Variants in RASAL2 observed in about 807,000 individuals in gnomAD.
The protein encoded by RASAL2 is RAS protein activator like 2, also known as ras GTPase-activating protein nGAP.
A neutral mutation model predicts 128.9 loss-of-function variants in RASAL2; 58 were observed. That is an observed-to-expected ratio of 0.45 (90% confidence interval 0.36 to 0.56). The LOEUF (loss-of-function observed/expected upper bound fraction) is 0.56, where lower values mean the gene tolerates loss of function less well. RASAL2 is among the 20% of genes least tolerant of loss of function. The pLI, the probability that RASAL2 is intolerant of heterozygous loss-of-function variation, is 0.00. For missense variants in RASAL2, 1,360 were observed against 1,601.6 expected, an observed-to-expected ratio of 0.85 and a Z score of 2.57; for synonymous variants, 561 against 580.8, an observed-to-expected ratio of 0.97 and a Z score of 0.49.
intron 1 of RASAL2, among the ~76,000 whole-genome samples, chr1:178,095,935 A>G (rs932568427): frequency 7.2e-5 from 11 of 152,154 alleles, no homozygotes; most frequent in African/African-American, 2.4e-4. Context: ...AAAATCCAGG[A>G]ATTCTTCTTA....
intron 1 of RASAL2, among the ~76,000 whole-genome samples, chr1:178,252,587 A>G (rs1423968228): frequency 5.3e-5 from 8 of 152,188 alleles, no homozygotes; most frequent in Admixed American, 5.2e-4. Flanking sequence ...CTAAAATGCT[A>G]CTAAAGAAAG....
At chr1:178,446,551 T>C (rs1319027788) in intron 9 of RASAL2, among the ~76,000 whole-genome samples, 3 of 152,222 alleles carry the variant, frequency 2.0e-5, no homozygotes, top group Admixed American at 6.5e-5. Flanking sequence ...TACTTTTTTA[T>C]TCTTTTTGAA....
At chr1:178,215,240 A>G (rs190482886) in intron 1 of RASAL2, among the ~76,000 whole-genome samples, 3 of 152,326 alleles carry the variant, frequency 2.0e-5, no homozygotes, top group East Asian at 3.9e-4. Flanking sequence ...TAGCTAAGCT[A>G]TATTTCTTAG....
At chr1:178,103,497 C>T (rs535040709) in intron 1 of RASAL2, among the ~76,000 whole-genome samples, 72 of 152,226 alleles carry the variant, frequency 4.7e-4, no homozygotes, top group African/African-American at 1.7e-3. Flanking sequence ...ATGAGAGTGC[C>T]TGTCTCCCCA....
At chr1:178,327,077 C>CTTAG (rs1669074433) in intron 3 of RASAL2, among the ~76,000 whole-genome samples, 1 of 152,162 alleles carries the variant, frequency 6.6e-6, no homozygotes, top group Non-Finnish European at 1.5e-5. Flanking sequence ...CTCATTCTAA[C>CTTAG]TTAGCATTTC....
At chr1:178,282,465 C>A (rs1185727016) in intron 1 of RASAL2, among the ~76,000 whole-genome samples, 1 of 152,066 alleles carries the variant, frequency 6.6e-6, no homozygotes, top group East Asian at 1.9e-4. Flanking sequence ...TGTAAGACAC[C>A]TAGGAAATTA....
intron 1 of RASAL2, among the ~76,000 whole-genome samples, chr1:178,147,365 C>G (rs1355131916): frequency 6.6e-6 from 1 of 151,570 alleles, no homozygotes; most frequent in Non-Finnish European, 1.5e-5. Context: ...TAGTGTGTGC[C>G]TGTAGTCCCA....
rs895733654 is a variant in RASAL2 at position 178,164,809 on chromosome 1, T to C, written c.202+70115T>C. Among the ~76,000 whole-genome samples the C allele has an allele frequency of 4.2e-5, 6 of 143,830 alleles. No homozygotes were observed. The East Asian group carries it at 6.4e-4, about 15-fold the overall frequency. The allele number at this position is 143,830 out of a possible 152,430, so 94.4% of individuals were successfully genotyped here. A position where few individuals can be genotyped will look rare whatever the true frequency, so the allele number is the denominator to read the frequency against. On this transcript the variant is annotated intron_variant, in intron 1 of 17. Coordinates refer to ENST00000367649, the MANE Select transcript of RASAL2 (RefSeq NM_170692.4). ...TTTAAGTTTTTTAGAACATACGCTT[T>C]GTTCATCAAACGTTTGTGTGTGTGT...
intron 1 of RASAL2, among the ~76,000 whole-genome samples, chr1:178,180,564 G>A (rs1375646331): frequency 6.6e-6 from 1 of 150,394 alleles, no homozygotes; most frequent in Non-Finnish European, 1.5e-5. Flanking sequence ...CTTCTCAGGA[G>A]GCTGACGTGA....
chr1:178,141,421 AC>A (rs1017411983), intron 1 of RASAL2, among the ~76,000 whole-genome samples: 11 of 151,646 alleles, frequency 7.3e-5, no homozygotes, highest in African/African-American at 2.7e-4. Context: ...TCTCTTTACT[AC>A]CTGATTGGCC....
chr1:178,409,971 A>G (rs1476036663), intron 4 of RASAL2, among the ~76,000 whole-genome samples: 1 of 152,206 alleles, frequency 6.6e-6, no homozygotes, highest in Non-Finnish European at 1.5e-5. Context: ...TCGTCATGGC[A>G]CCAGGAAGAT....
intron 3 of RASAL2, among the ~76,000 whole-genome samples, chr1:178,385,109 T>A (rs1404438734): frequency 6.6e-6 from 1 of 152,216 alleles, no homozygotes; most frequent in Non-Finnish European, 1.5e-5. Context: ...TTTCCAAACA[T>A]AATAACATTC....
intron 3 of RASAL2, among the ~76,000 whole-genome samples, chr1:178,326,329 A>C (rs944211307): frequency 6.6e-6 from 1 of 152,022 alleles, no homozygotes; most frequent in African/African-American, 2.4e-5. Context: ...GCAGAAATCT[A>C]CCTCCCTCAT....
In RASAL2 at chr1:178,360,740, G is replaced by A. The variant is rs138372784; in HGVS notation, c.458-29360G>A. The stretch of plus-strand genomic sequence containing the variant: ...GTTCTGGAAGTTAGAAGGTGTCAAC[G>A]GGGTTGTTTCCTTCTGAGGGCTGTG... On this transcript the variant is annotated intron_variant, in intron 3 of 17. Coordinates refer to ENST00000367649, the MANE Select transcript of RASAL2 (RefSeq NM_170692.4). 4.1e-4 allele frequency among the ~76,000 whole-genome samples: 63 copies of A among 152,258 alleles called. No homozygotes were observed. In the East Asian group the frequency reaches 7.3e-3, roughly 18 times the overall value.
chr1:178,424,926 C>T (rs1201526928), intron 5 of RASAL2, among the ~76,000 whole-genome samples: 3 of 152,104 alleles, frequency 2.0e-5, no homozygotes, highest in Non-Finnish European at 4.4e-5. Context: ...TATTGATATA[C>T]AGTAACACAC....
At chr1:178,116,290 C>G (rs1659517476) in intron 1 of RASAL2, among the ~76,000 whole-genome samples, 1 of 152,104 alleles carries the variant, frequency 6.6e-6, no homozygotes, top group Admixed American at 6.6e-5. Context: ...AGAAACTGCT[C>G]ATTGAAAGGG....
chr1:178,229,348 A>G (rs1458219143), intron 1 of RASAL2, among the ~76,000 whole-genome samples: 1 of 152,200 alleles, frequency 6.6e-6, no homozygotes, highest in East Asian at 1.9e-4. Context: ...CCAGTTCATG[A>G]TACAATCCAA....
intron 1 of RASAL2, among the ~76,000 whole-genome samples, chr1:178,191,890 C>T (rs532053654): frequency 2.0e-5 from 3 of 152,262 alleles, no homozygotes; most frequent in East Asian, 1.9e-4. Flanking sequence ...TAACAACACA[C>T]ACTGGATAAA....
At chr1:178,372,884 C>T (rs1361688098) in intron 3 of RASAL2, among the ~76,000 whole-genome samples, 2 of 152,024 alleles carry the variant, frequency 1.3e-5, no homozygotes, top group African/African-American at 4.8e-5. Flanking sequence ...AATTGTTTAT[C>T]TTGTGGTTAT....
Sources: gnomAD v4.1 joint callset for allele counts (sites outside exome capture counted in the v4.1 genomes callset) on GRCh38, gnomAD v4.1.1 for gene constraint, MANE v1.5 for transcripts, NCBI Gene and HGNC (gene_info 2026-07-23, HGNC 2026-07-21) for gene names.